The following SFMBT2 variants were observed in gnomAD, a reference collection of about 807,000 sequenced individuals.
SFMBT2 encodes scm-like with four MBT domains protein 2.
In SFMBT2, 38 loss-of-function variants were observed where a neutral mutation model predicts 110.1. That is an observed-to-expected ratio of 0.35 (90% CI 0.27 to 0.45). SFMBT2 has a LOEUF of 0.45. Ranked by LOEUF, SFMBT2 falls within the 20% of genes least tolerant of loss-of-function variation. The pLI, the probability that SFMBT2 is intolerant of heterozygous loss-of-function variation, is 1.00. For missense variants in SFMBT2, 1,011 were observed against 1,094.9 expected, an observed-to-expected ratio of 0.92 and a Z score of 1.08; for synonymous variants, 425 against 425.4, an observed-to-expected ratio of 1.00 and a Z score of 0.01.
At chr10:7,182,327 C>T (rs536335199) in intron 16 of SFMBT2, among the ~76,000 whole-genome samples, 17 of 152,328 alleles carry the variant, frequency 1.1e-4, no homozygotes, top group Middle Eastern at 3.4e-3. Context: ...CACAGGCCAA[C>T]GCACTCAGCC....
chr10:7,284,463 T>A (rs1206111066), intron 5 of SFMBT2: 45 of 1,078,156 alleles, frequency 4.2e-5, no homozygotes, highest in Admixed American at 4.8e-5. Flanking sequence ...TAACAATCAG[T>A]ATGCTTTTAA....
chr10:7,329,268 C>G (rs944607371), intron 4 of SFMBT2, among the ~76,000 whole-genome samples: 1 of 152,188 alleles, frequency 6.6e-6, no homozygotes. Context: ...TCAATGACGC[C>G]TGGCGTGTGT....
At chr10:7,381,678 T>C (rs980552091) in intron 2 of SFMBT2, 121 bp downstream of exon 2, 1 of 1,099,470 alleles carries the variant, frequency 9.1e-7, no homozygotes, top group Non-Finnish European at 1.3e-6. Context: ...GGACTTCAAA[T>C]CCCAGGAACC....
rs184970601 is a variant in SFMBT2, at chr10:7,236,309, T to C, written c.1120+7249A>G. On this transcript the variant is annotated intron_variant, in intron 9 of 20. Coordinates refer to ENST00000397167, the MANE Select transcript of SFMBT2 (RefSeq NM_001387889.1). ...AGAACCTTACAAACCAATGCTAAAATTAATGTACAAGAATGGCCTGCCAAA... is the reference window on the plus strand; with the variant it reads ...AGAACCTTACAAACCAATGCTAAAACTAATGTACAAGAATGGCCTGCCAAA... 1.1e-3 allele frequency among the ~76,000 whole-genome samples: 175 copies of C among 152,226 alleles called. 1 individual carries two copies. The highest frequency in any genetic ancestry group is 4.1e-3 in the African/African-American group (171 of 41,542).
intron 4 of SFMBT2, among the ~76,000 whole-genome samples, chr10:7,288,391 C>T (rs1842164771): frequency 6.6e-6 from 1 of 152,208 alleles, no homozygotes; most frequent in Non-Finnish European, 1.5e-5. Flanking sequence ...TTTTCTCAAA[C>T]AAAATGTCAC....
chr10:7,399,588 G>C (rs1472372777), intron 1 of SFMBT2, among the ~76,000 whole-genome samples: 1 of 152,186 alleles, frequency 6.6e-6, no homozygotes, highest in African/African-American at 2.4e-5. Flanking sequence ...GTTTACTAGA[G>C]TCTTCCTGAA....
At chr10:7,357,488 C>T (rs1844559448) in intron 4 of SFMBT2, among the ~76,000 whole-genome samples, 1 of 152,168 alleles carries the variant, frequency 6.6e-6, no homozygotes, top group South Asian at 2.1e-4. Context: ...GCAACACTGG[C>T]TCCCCCTGCT....
At chr10:7,303,877 A>T (rs1842622444) in intron 4 of SFMBT2, among the ~76,000 whole-genome samples, 1 of 152,240 alleles carries the variant, frequency 6.6e-6, no homozygotes, top group African/African-American at 2.4e-5. Context: ...CCACATAAAA[A>T]GTTAGGTTAC....
At chr10:7,259,903 C>T (rs1226789105) in intron 7 of SFMBT2, among the ~76,000 whole-genome samples, 1 of 152,198 alleles carries the variant, frequency 6.6e-6, no homozygotes, top group African/African-American at 2.4e-5. Flanking sequence ...ACTGCAGACC[C>T]GGTGCTGCCA....
intron 4 of SFMBT2, among the ~76,000 whole-genome samples, chr10:7,310,387 C>A (rs1842817125): frequency 6.6e-6 from 1 of 152,192 alleles, no homozygotes; most frequent in South Asian, 2.1e-4. Flanking sequence ...GGTTAGTGCA[C>A]CCCGTGCCCA....
chr10:7,385,718 G>A (rs1359046621), intron 1 of SFMBT2, among the ~76,000 whole-genome samples: 1 of 152,090 alleles, frequency 6.6e-6, no homozygotes, highest in Non-Finnish European at 1.5e-5. Context: ...CCCCTCTCCT[G>A]GCCAGGCACA....
intron 7 of SFMBT2, among the ~76,000 whole-genome samples, chr10:7,256,957 C>T (rs1162815422): frequency 6.6e-6 from 1 of 151,712 alleles, no homozygotes; most frequent in Middle Eastern, 3.2e-3. Context: ...CTGGGCGTGG[C>T]GGTGGGCGCC....
rs760357088 is a variant in SFMBT2, at chr10:7,331,336, C to A, written c.436+36313G>T. Among the ~76,000 whole-genome samples the A allele has an allele frequency of 5.9e-5, 9 of 152,338 alleles. No individual in the cohort carries two copies. In the South Asian group the frequency reaches 8.3e-4, roughly 14 times the overall value. On this transcript the variant is annotated intron_variant, in intron 4 of 20. Transcript: ENST00000397167. ...ATAGGGAAATCATTCTCACTATCCA[C>A]TGGGACAGGAAAGCCAGGTGAAAAC...
intron 4 of SFMBT2, among the ~76,000 whole-genome samples, chr10:7,307,612 G>T (rs1842733627): frequency 6.6e-6 from 1 of 152,172 alleles, no homozygotes. Flanking sequence ...AGGACAACTG[G>T]TTTATCCGTA....
Position 7,170,780 on chromosome 10 carries a change from C to G in SFMBT2, c.2544+148G>C. Reference sequence around the variant, plus strand: ...CTGCCAGGCAGCTCTCAGCAGGGGCCTTGGAGGGAGAAGGGTCTCGCACAC... The same window carrying G: ...CTGCCAGGCAGCTCTCAGCAGGGGCGTTGGAGGGAGAAGGGTCTCGCACAC... On this transcript the variant is annotated intron_variant, in intron 20 of 20. Coordinates refer to ENST00000397167, the MANE Select transcript of SFMBT2 (RefSeq NM_001387889.1). The surrounding 1 kb of genome is among the most constrained non-coding windows in gnomAD (Gnocchi z 4.6). 1.1e-6 allele frequency: 1 copy of G among 892,870 alleles called. No individual in the cohort carries two copies. The highest frequency in any genetic ancestry group is 1.7e-6 in the Non-Finnish European group (1 of 580,702). The allele number at this position is 892,870 out of a possible 1,614,324, so 55.3% of individuals were successfully genotyped here.
rs138031819 is a variant in SFMBT2, at chr10:7,326,683, T to C, written c.437-40729A>G. 3.4e-3 allele frequency among the ~76,000 whole-genome samples: 524 copies of C among 152,362 alleles called. 2 individuals carry two copies. The highest frequency in any genetic ancestry group is 0.015 in the South Asian group (74 of 4,824). The stretch of plus-strand genomic sequence containing the variant: ...TCGAGTTACCCTTTAATTTTCTAAG[T>C]GGTGCATGGTAATTTAATTGTGCAC... On this transcript the variant is annotated intron_variant, in intron 4 of 20. Transcript: ENST00000397167.
At position 7,328,341 on chromosome 10, in the gene SFMBT2, G is replaced by A. The variant is rs118147642; in HGVS notation, c.436+39308C>T. ...ATTTTTCCTTCCTGTTGAGTTTTAA[G>A]AGTCCATTTTATTCTAGATACAACA... On this transcript the variant is annotated intron_variant, in intron 4 of 20. Coordinates refer to ENST00000397167, the MANE Select transcript of SFMBT2 (RefSeq NM_001387889.1). Among the ~76,000 whole-genome samples, 1,397 of 152,168 alleles carry A rather than the reference G, an allele frequency of 9.2e-3. 24 individuals carry two copies. Among genetic ancestry groups the A allele is most frequent in the East Asian group, 0.045 (235 of 5,184 alleles).
chr10:7,369,740 C>A (rs1206747470), intron 3 of SFMBT2, among the ~76,000 whole-genome samples: 1 of 152,160 alleles, frequency 6.6e-6, no homozygotes. Flanking sequence ...GTTTAGTTTT[C>A]CAGCTCTTTA....
intron 2 of SFMBT2, among the ~76,000 whole-genome samples, chr10:7,376,955 G>A (rs963312399): frequency 5.0e-4 from 75 of 150,928 alleles, no homozygotes; most frequent in African/African-American, 1.7e-3. Context: ...CAAATCACGA[G>A]GTCAGGAGAT....
Sources: allele counts gnomAD v4.1 joint callset (sites outside exome capture counted in the v4.1 genomes callset), GRCh38; gene constraint gnomAD v4.1.1; non-coding constraint Gnocchi (gnomAD v3.1); transcripts MANE v1.5; gene names NCBI Gene and HGNC (gene_info 2026-07-23, HGNC 2026-07-21).